The following ATP2C2 variants were observed in gnomAD, a reference collection of about 807,000 sequenced individuals.
The protein encoded by ATP2C2 is ATPase secretory pathway Ca2+ transporting 2.
ATP2C2 carries 171 observed loss-of-function variants against 110.8 expected under a neutral mutation model. That is an observed-to-expected ratio of 1.54 (90% confidence interval 1.36 to 1.75). The LOEUF is 1.75. ATP2C2 is among the 40% of genes most tolerant of loss of function. ATP2C2 has a pLI of 0.00. For synonymous variants in ATP2C2, 804 were observed against 508.4 expected (o/e 1.58, Z -7.82); for missense variants, 1,963 against 1,235.0 (o/e 1.59, Z -8.84).
chr16:84,461,739 C>T lies in ATP2C2; in HGVS notation c.2507C>T (p.Pro836Leu), dbSNP rs906027290. 18 of 1,614,180 alleles carry T rather than the reference C, an allele frequency of 1.1e-5. No homozygotes were observed. The highest frequency in any genetic ancestry group is 1.5e-5 in the Non-Finnish European group (18 of 1,180,012). Residue 836 changes from proline to leucine, a missense_variant, in exon 25 of 27, where the codon CCC (proline) becomes CTC (leucine). Physicochemically the swap from Pro to Leu is moderately conservative, Grantham distance 98. Coordinates refer to ENST00000262429, the MANE Select transcript of ATP2C2 (RefSeq NM_014861.4). ...ATGCCTGAAGACAGAGCAAGCACTC[C>T]CCGCACCACGACGATGACGTTCACT... ...KEMPEDRASTPRTTTMTFTCF... is the reference protein window; with the variant it reads ...KEMPEDRASTLRTTTMTFTCF...
intron 23 of ATP2C2, chr16:84,460,199 G>T: frequency 4.7e-6 from 1 of 212,468 alleles, no homozygotes; most frequent in East Asian, 1.3e-4. Flanking sequence ...TGAGCGGCAG[G>T]GCCTCACCCG....
intron 7 of ATP2C2, among the ~76,000 whole-genome samples, chr16:84,419,637 T>G (rs1393386322): frequency 2.3e-5 from 1 of 42,640 alleles, no homozygotes; most frequent in Non-Finnish European, 6.2e-5. Flanking sequence ...GTCTCCTCCC[T>G]CCTCCCTTCC....
chr16:84,387,597 C>A (rs985115276), intron 1 of ATP2C2, among the ~76,000 whole-genome samples: 1 of 152,158 alleles, frequency 6.6e-6, no homozygotes, highest in South Asian at 2.1e-4. Context: ...CATGAAGCAG[C>A]GTACTTAGAA....
intron 6 of ATP2C2, among the ~76,000 whole-genome samples, chr16:84,412,524 G>T (rs1429697766): frequency 6.7e-6 from 1 of 148,728 alleles, no homozygotes; most frequent in Non-Finnish European, 1.5e-5. Context: ...GTGTCTGTGT[G>T]TGCATGTGTC....
intron 6 of ATP2C2, among the ~76,000 whole-genome samples, chr16:84,414,451 C>A (rs903538959): frequency 2.2e-4 from 34 of 152,118 alleles, no homozygotes; most frequent in African/African-American, 7.5e-4. Context: ...CGCAAAGGCC[C>A]TATAGAAGAA....
chr16:84,374,708 ATTGT>A (rs1910153561), intron 1 of ATP2C2, among the ~76,000 whole-genome samples: 1 of 152,130 alleles, frequency 6.6e-6, no homozygotes, highest in South Asian at 2.1e-4. Context: ...GTGCACACAA[ATTGT>A]TTGTAGATTT....
intron 16 of ATP2C2, among the ~76,000 whole-genome samples, chr16:84,448,296 G>C (rs936621259): frequency 6.6e-6 from 1 of 152,156 alleles, no homozygotes; most frequent in African/African-American, 2.4e-5. Context: ...AAAGAACAAG[G>C]GTAGTACAGG....
intron 1 of ATP2C2, among the ~76,000 whole-genome samples, chr16:84,379,220 C>T (rs1910432026): frequency 6.6e-6 from 1 of 151,570 alleles, no homozygotes; most frequent in Non-Finnish European, 1.5e-5. Context: ...CTTACTCTGC[C>T]ATCCAGGCTG....
chr16:84,439,111 G>T, intron 11 of ATP2C2, 55 bp from the exon 12 acceptor site: 1 of 1,600,722 alleles, frequency 6.2e-7, no homozygotes, highest in South Asian at 1.1e-5. Flanking sequence ...CCCCAGCTGA[G>T]AGTCACACAC....
chr16:84,448,336 C>A (rs549771535), intron 16 of ATP2C2, among the ~76,000 whole-genome samples, 197 bp from the exon 17 acceptor site: 7 of 152,298 alleles, frequency 4.6e-5, no homozygotes, highest in African/African-American at 1.4e-4. Context: ...TTTCTCTGGA[C>A]TGCAAAACGT....
At chr16:84,424,599 T>TTTTAA (rs376880864) in intron 10 of ATP2C2, among the ~76,000 whole-genome samples, 5 of 131,250 alleles carry the variant, frequency 3.8e-5, no homozygotes, top group African/African-American at 1.5e-4. Flanking sequence ...TTTTTTTTTT[T>TTTTAA]AACATTTTGG....
chr16:84,432,432 A>G (rs534117140), intron 11 of ATP2C2, among the ~76,000 whole-genome samples: 1 of 151,754 alleles, frequency 6.6e-6, no homozygotes, highest in Admixed American at 6.6e-5. Context: ...CTCTCCCCCG[A>G]ACCCCCCGAC....
At chr16:84,419,206 T>G (rs1471103247) in intron 7 of ATP2C2, among the ~76,000 whole-genome samples, 1 of 78,036 alleles carries the variant, frequency 1.3e-5, no homozygotes, top group African/African-American at 6.3e-5. Flanking sequence ...AGACCCCATC[T>G]TTAAAAAAAA....
chr16:84,459,593 G>C, intron 23 of ATP2C2: 1 of 1,535,802 alleles, frequency 6.5e-7, no homozygotes, highest in Non-Finnish European at 8.7e-7. Flanking sequence ...GCAGAGCTGG[G>C]TGAGGATGGA....
chr16:84,371,332 C>T (rs1488649527), intron 1 of ATP2C2, among the ~76,000 whole-genome samples: 1 of 152,146 alleles, frequency 6.6e-6, no homozygotes, highest in Non-Finnish European at 1.5e-5. Flanking sequence ...GCCTGGGCAA[C>T]ATAGCCAGAT....
At chr16:84,452,383 TAC>T (rs1238666098) in intron 18 of ATP2C2, among the ~76,000 whole-genome samples, 5 of 152,158 alleles carry the variant, frequency 3.3e-5, no homozygotes, top group Admixed American at 3.3e-4. Context: ...CATGGCCATG[TAC>T]AGTTTCAGTC....
Position 84,437,847 on chromosome 16 carries a change from C to A in ATP2C2, c.987-1319C>A, listed in dbSNP as rs544151412. ...ATTTTCTTATCGCCTCAAAAAGAAA[C>A]CCTGTGCCCTTTAGCTATCACTCTA... is the stretch of plus-strand genomic sequence containing the variant. On this transcript the variant is annotated intron_variant, in intron 11 of 26. Coordinates refer to ENST00000262429, the MANE Select transcript of ATP2C2 (RefSeq NM_014861.4). 2.0e-5 allele frequency among the ~76,000 whole-genome samples: 3 copies of A among 152,308 alleles called. No individual in the cohort carries two copies. In the South Asian group the frequency reaches 6.2e-4, roughly 32 times the overall value.
chr16:84,440,930 C>T lies in ATP2C2; in HGVS notation c.1283C>T (p.Ser428Phe). The change falls in exon 14 of 27, where the codon TCC becomes TTC. Residue 428 changes from serine to phenylalanine, a missense_variant. Coordinates refer to ENST00000262429, the MANE Select transcript of ATP2C2 (RefSeq NM_014861.4). ...TCCAAGGAAGTCATTAAGGAATTTTCCAATGTCTCAGTGGGAAAGTTAGTG... is the reference window on the plus strand; with the variant it reads ...TCCAAGGAAGTCATTAAGGAATTTTTCAATGTCTCAGTGGGAAAGTTAGTG... The part of the protein sequence containing the change: ...LPSKEVIKEF[S>F]NVSVGKLVEA... 6.2e-7 allele frequency: 1 copy of T among 1,613,088 alleles called. No homozygotes were observed. Among genetic ancestry groups the T allele is most frequent in the Non-Finnish European group, 8.5e-7 (1 of 1,179,794 alleles).
chr16:84,408,323 C>T, intron 3 of ATP2C2, 82 bp from the exon 4 acceptor site: 1 of 1,359,732 alleles, frequency 7.4e-7, no homozygotes, highest in Non-Finnish European at 1.0e-6. Flanking sequence ...AGACCCCTGT[C>T]ACACAAACTT....
Sources: allele counts gnomAD v4.1 joint callset (sites outside exome capture counted in the v4.1 genomes callset), GRCh38; gene constraint gnomAD v4.1.1; transcripts MANE v1.5; gene names NCBI Gene and HGNC (gene_info 2026-07-23, HGNC 2026-07-21).